The following PHF13 variants were observed in gnomAD, a reference collection of about 807,000 sequenced individuals.
PHF13 encodes the protein PHD finger protein 13.
PHF13 carries 1 observed loss-of-function variant against 25.8 expected under a neutral mutation model. The observed-to-expected ratio is 0.04, with a 90% CI of 0.01 to 0.18. The LOEUF is 0.18. Ranked by LOEUF, PHF13 falls within the 10% of genes least tolerant of loss-of-function variation. PHF13 has a pLI of 1.00. For missense variants in PHF13, 306 were observed against 403.2 expected (o/e 0.76, Z 2.06); for synonymous variants, 195 against 162.4 (o/e 1.20, Z -1.53).
intron 1 of PHF13, among the ~76,000 whole-genome samples, chr1:6,615,117 C>A (rs989273651): frequency 6.6e-6 from 1 of 150,976 alleles, no homozygotes; most frequent in Non-Finnish European, 1.5e-5. Context: ...CATCTGCTTT[C>A]CGAGGAGGCG....
In PHF13 at chr1:6,621,661, G is replaced by T; in HGVS notation, c.*24G>T. The T allele has an allele frequency of 6.2e-7, 1 of 1,610,916 alleles. No individual in the cohort carries two copies. The highest frequency in any genetic ancestry group is 1.1e-5 in the South Asian group (1 of 90,984). ...GACTGCTGGCTGGCGAGGAGGCTGC[G>T]AGCGTGGAATCGGAAGCGACCGCGG... On this transcript the variant is annotated 3_prime_UTR_variant, in exon 4 of 4. Coordinates refer to ENST00000377648, the MANE Select transcript of PHF13 (RefSeq NM_153812.3). The surrounding 1 kb of genome is among the most constrained non-coding windows in gnomAD (Gnocchi z 4.8).
Position 6,614,091 on chromosome 1 carries a change from G to A in PHF13, c.25G>A (p.Ala9Thr). 7.5e-6 allele frequency: 12 copies of A among 1,592,194 alleles called. No homozygotes were observed. Among genetic ancestry groups the A allele is most frequent in the Non-Finnish European group, 1.0e-5 (12 of 1,171,478 alleles). Reference protein sequence around the residue: MDSDSCAAAFHPEEYSPSC... With the variant: MDSDSCAATFHPEEYSPSC... ...CATGGACTCTGACTCTTGCGCCGCCGCCTTCCACCCGGAGGTGAGTGAAGC... is the reference window on the plus strand; with the variant it reads ...CATGGACTCTGACTCTTGCGCCGCCACCTTCCACCCGGAGGTGAGTGAAGC... Residue 9 changes from alanine (A) to threonine (T), a missense_variant, in exon 1 of 4, where the codon GCC (alanine) becomes ACC (threonine). Coordinates refer to ENST00000377648, the MANE Select transcript of PHF13 (RefSeq NM_153812.3).
intron 1 of PHF13, 45 bp downstream of exon 1, chr1:6,614,150 G>T (rs373537081): frequency 5.1e-6 from 7 of 1,364,358 alleles, no homozygotes; most frequent in Non-Finnish European, 6.7e-6. Flanking sequence ...CACCCCCTCC[G>T]CGATCCTGCC....
At position 6,618,104 on chromosome 1, in the gene PHF13, T is replaced by C. The variant is rs190375560; in HGVS notation, c.141+1246T>C. On this transcript the variant is annotated intron_variant, in intron 2 of 3. Transcript: ENST00000377648. ...CTGTGGTGCTCAGACTTCAGGCCTC[T>C]TTCGTATTCGATTAAGCTCAAAATT... Among the ~76,000 whole-genome samples the C allele has an allele frequency of 6.5e-3, 995 of 152,274 alleles. 9 individuals are homozygous for C. Among genetic ancestry groups the C allele is most frequent in the African/African-American group, 0.023 (949 of 41,560 alleles).
At chr1:6,620,410 ATC>A (rs1570229195) in intron 3 of PHF13, 73 bp downstream of exon 3, 3 of 1,493,646 alleles carry the variant, frequency 2.0e-6, no homozygotes, top group East Asian at 2.4e-5. Flanking sequence ...TTAAGTGGTC[ATC>A]TCTCTGGGGC....
chr1:6,621,881 C>T lies in PHF13; in HGVS notation c.*244C>T. 1.8e-6 allele frequency: 1 copy of T among 564,118 alleles called. No individual in the cohort carries two copies. Among genetic ancestry groups the T allele is most frequent in the South Asian group, 2.0e-5 (1 of 49,088 alleles). 34.9% of individuals were successfully genotyped at this position (564,118 alleles called of 1,614,324 possible). On this transcript the variant is annotated 3_prime_UTR_variant, in exon 4 of 4. Coordinates refer to ENST00000377648, the MANE Select transcript of PHF13 (RefSeq NM_153812.3). This position sits in a 1 kb window ranked among gnomAD's most constrained non-coding sequence, Gnocchi z 4.8. The stretch of plus-strand genomic sequence containing the variant: ...CCCTGCAGTGGAGGTGGACTGGACA[C>T]CCACGTGCAGCGGGTTTGGCTCATT...
At chr1:6,616,375 C>T (rs1239591069) in intron 1 of PHF13, among the ~76,000 whole-genome samples, 1 of 152,162 alleles carries the variant, frequency 6.6e-6, no homozygotes, top group Non-Finnish European at 1.5e-5. Flanking sequence ...CCAGCTGCTG[C>T]TGCAGCAGTT....
chr1:6,615,918 C>A (rs528064722), intron 1 of PHF13, among the ~76,000 whole-genome samples: 1 of 151,984 alleles, frequency 6.6e-6, no homozygotes, highest in East Asian at 1.9e-4. Flanking sequence ...TGGAGGGGAC[C>A]CTCTGAGCAC....
In PHF13 at chr1:6,621,749, C is replaced by A; in HGVS notation, c.*112C>A. Reference sequence around the variant, plus strand: ...CAGCTCTGGTGCGGGCAGATCCCTGCCATTTAGGTGCCTAAGCAAAAGGAC... The same window carrying A: ...CAGCTCTGGTGCGGGCAGATCCCTGACATTTAGGTGCCTAAGCAAAAGGAC... On this transcript the variant is annotated 3_prime_UTR_variant, in exon 4 of 4. Transcript: ENST00000377648. The surrounding 1 kb of genome is among the most constrained non-coding windows in gnomAD (Gnocchi z 4.8). 2 of 1,061,184 alleles carry A rather than the reference C, an allele frequency of 1.9e-6. No individual in the cohort carries two copies. Among genetic ancestry groups the A allele is most frequent in the Non-Finnish European group, 1.4e-6 (1 of 719,484 alleles). The allele number at this position is 1,061,184 out of a possible 1,614,324, so 65.7% of individuals were successfully genotyped here. A position where few individuals can be genotyped will look rare whatever the true frequency, so the allele number is the denominator to read the frequency against.
chr1:6,614,728 T>G (rs1344083343), intron 1 of PHF13: 3 of 130,254 alleles, frequency 2.3e-5, no homozygotes, highest in Non-Finnish European at 5.0e-5. Flanking sequence ...CCCGGCGCGC[T>G]GGCCTCTCTC....
At chr1:6,618,537 A>G (rs1448074205) in intron 2 of PHF13, among the ~76,000 whole-genome samples, 1 of 152,194 alleles carries the variant, frequency 6.6e-6, no homozygotes, top group East Asian at 1.9e-4. Context: ...GTTTACAGGC[A>G]CGAGCCACTG....
At position 6,623,564 on chromosome 1, in the gene PHF13, A is replaced by G. The variant is rs1025850457; in HGVS notation, c.*1927A>G. The G allele has an allele frequency of 2.0e-5, 3 of 152,640 alleles. No individual in the cohort carries two copies. In the East Asian group the frequency reaches 5.8e-4, roughly 29 times the overall value. The allele number at this position is 152,640 out of a possible 1,614,324, so 9.5% of individuals were successfully genotyped here. On this transcript the variant is annotated 3_prime_UTR_variant, in exon 4 of 4. Coordinates refer to ENST00000377648, the MANE Select transcript of PHF13 (RefSeq NM_153812.3). ...ATTTAAGAATCCATGTGACTTTAGA[A>G]TGGAACTGCCGGCCCTGGCAACTGT... is the stretch of plus-strand genomic sequence containing the variant.
At position 6,620,000 on chromosome 1, in the gene PHF13, G is replaced by A. The variant is rs139016759; in HGVS notation, c.339G>A (p.Thr113=). The change falls in exon 3 of 4, where the codon ACG becomes ACA. Residue 113 remains threonine, a synonymous_variant. Transcript: ENST00000377648. ...PSNFLLDRKK[T]DKLKKKKKRK... Reference sequence around the variant, plus strand: ...ACTTCCTGCTGGACAGAAAGAAAACGGACAAGCTGAAGAAGAAGAAGAAGA... The same window carrying A: ...ACTTCCTGCTGGACAGAAAGAAAACAGACAAGCTGAAGAAGAAGAAGAAGA... 22 of 1,613,596 alleles carry A rather than the reference G, an allele frequency of 1.4e-5. No individual in the cohort carries two copies. The African/African-American group carries it at 1.7e-4, about 13-fold the overall frequency.
Position 6,623,753 on chromosome 1 carries a change from A to G in PHF13, c.*2116A>G, listed in dbSNP as rs553419895. On this transcript the variant is annotated 3_prime_UTR_variant, in exon 4 of 4. Transcript: ENST00000377648. ...TGTTAGATTGAGCTGGGCAGCTGCAATCAGCTTCTTTATATGCAAATTAGG... is the reference window on the plus strand; with the variant it reads ...TGTTAGATTGAGCTGGGCAGCTGCAGTCAGCTTCTTTATATGCAAATTAGG... The G allele has an allele frequency of 1.3e-5, 2 of 152,744 alleles. No individual in the cohort carries two copies. The highest frequency in any genetic ancestry group is 2.4e-5 in the African/African-American group (1 of 41,558). 9.5% of individuals were successfully genotyped at this position (152,744 alleles called of 1,614,324 possible).
At chr1:6,614,835 C>T (rs1394283818) in intron 1 of PHF13, among the ~76,000 whole-genome samples, 1 of 151,464 alleles carries the variant, frequency 6.6e-6, no homozygotes, top group Non-Finnish European at 1.5e-5. Context: ...CCGGCCTCCC[C>T]CCCGCGCGGT....
At chr1:6,619,142 A>G (rs1641303293) in intron 2 of PHF13, among the ~76,000 whole-genome samples, 1 of 151,290 alleles carries the variant, frequency 6.6e-6, no homozygotes, top group Non-Finnish European at 1.5e-5. Context: ...ATTCACTTAA[A>G]ACAATATATC....
At chr1:6,615,551 C>A (rs1006899108) in intron 1 of PHF13, among the ~76,000 whole-genome samples, 1 of 152,190 alleles carries the variant, frequency 6.6e-6, no homozygotes, top group Admixed American at 6.5e-5. Context: ...CCCCTGCCCC[C>A]CATTTCCCCA....
Position 6,621,772 on chromosome 1 carries a change from G to A in PHF13, c.*135G>A, listed in dbSNP as rs1181153488. On this transcript the variant is annotated 3_prime_UTR_variant, in exon 4 of 4. Transcript: ENST00000377648. The surrounding 1 kb of genome is among the most constrained non-coding windows in gnomAD (Gnocchi z 4.8). ...TGCCATTTAGGTGCCTAAGCAAAAG[G>A]ACAGGCTGTCCAAGGTAGAAACTGT... The A allele has an allele frequency of 5.8e-6, 5 of 861,352 alleles. No individual in the cohort carries two copies. Among genetic ancestry groups the A allele is most frequent in the Non-Finnish European group, 9.1e-6 (5 of 549,244 alleles). The allele number at this position is 861,352 out of a possible 1,614,324, so 53.4% of individuals were successfully genotyped here.
chr1:6,614,911 G>A (rs1051693998), intron 1 of PHF13, among the ~76,000 whole-genome samples: 1 of 150,798 alleles, frequency 6.6e-6, no homozygotes, highest in African/African-American at 2.4e-5. Flanking sequence ...GGCGGGTGGG[G>A]GAGGGGAGGC....
Sources: allele counts gnomAD v4.1 joint callset (sites outside exome capture counted in the v4.1 genomes callset), GRCh38; gene constraint gnomAD v4.1.1; non-coding constraint Gnocchi (gnomAD v3.1); transcripts MANE v1.5; gene names NCBI Gene and HGNC (gene_info 2026-07-23, HGNC 2026-07-21).